The following FAM120B variants were observed in gnomAD, a reference collection of about 807,000 sequenced individuals.
FAM120B encodes the protein constitutive coactivator of peroxisome proliferator-activated receptor gamma.
A neutral mutation model predicts 96.3 loss-of-function variants in FAM120B; 83 were observed. The observed-to-expected ratio is 0.86, with a 90% CI of 0.72 to 1.03. The LOEUF is 1.03. Among genes scored for constraint, FAM120B ranks in the 50% least tolerant of loss-of-function variants. FAM120B has a pLI of 0.00. For synonymous variants in FAM120B, 407 were observed against 402.7 expected (o/e 1.01, Z -0.13); for missense variants, 1,027 against 1,121.2 (o/e 0.92, Z 1.20).
intron 1 of FAM120B, among the ~76,000 whole-genome samples, chr6:170,315,980 A>G (rs1784874460): frequency 7.0e-6 from 1 of 142,946 alleles, no homozygotes; most frequent in Admixed American, 7.7e-5. Context: ...GATCGCTTGA[A>G]CCTGGTAGGT....
At chr6:170,333,871 G>A (rs1786237139) in intron 4 of FAM120B, among the ~76,000 whole-genome samples, 1 of 152,156 alleles carries the variant, frequency 6.6e-6, no homozygotes, top group South Asian at 2.1e-4. Flanking sequence ...ATATATCATG[G>A]AAGATGATGT....
Position 170,406,696 on chromosome 6 carries a change from G to A in FAM120B, c.*1945G>A, listed in dbSNP as rs906179612. On this transcript the variant is annotated 3_prime_UTR_variant, in exon 11 of 11. Transcript: ENST00000476287. ...CTCTTATGAGGATTTCCCTATGTCA[G>A]TAAACATTAACTTTCTATTTCTTCC... The A allele has an allele frequency of 6.6e-6, 1 of 152,106 alleles. No homozygotes were observed. Among genetic ancestry groups the A allele is most frequent in the African/African-American group, 2.4e-5 (1 of 41,396 alleles). 9.4% of individuals were successfully genotyped at this position (152,106 alleles called of 1,614,324 possible).
chr6:170,294,702 G>A (rs60600324), upstream of FAM120B, among the ~76,000 whole-genome samples: 2,295 of 152,272 alleles, frequency 0.015, 48 homozygotes, highest in African/African-American at 0.052. The surrounding 1 kb of genome is among the most constrained non-coding windows in gnomAD (Gnocchi z 7.9). Context: ...GTGTGGTGGT[G>A]ACTGTGGTGG....
At chr6:170,343,102 A>C (rs1243750644) in intron 4 of FAM120B, among the ~76,000 whole-genome samples, 1 of 152,210 alleles carries the variant, frequency 6.6e-6, no homozygotes, top group Non-Finnish European at 1.5e-5. Context: ...CATTCTTTTT[A>C]GAGAGTGTAC....
In FAM120B at chr6:170,391,054, C is replaced by T. The variant is rs1790454576; in HGVS notation, c.2532C>T (p.Val844=). The change falls in exon 8 of 11, where the codon GTC becomes GTT. Residue 844 remains valine (V), a synonymous_variant. Coordinates refer to ENST00000476287, the MANE Select transcript of FAM120B (RefSeq NM_032448.3). ...AATTCCACAACCTGAAGGCAGTCGT[C>T]TGCAAGGCCTGCATGAAGGAGAACA... ...LTKFHNLKAV[V]CKACMKENRR... The T allele has an allele frequency of 1.9e-6, 3 of 1,614,186 alleles. No individual in the cohort carries two copies. The African/African-American group carries it at 4.0e-5, about 22-fold the overall frequency.
At chr6:170,329,168 A>G (rs1339028423) in intron 3 of FAM120B, among the ~76,000 whole-genome samples, 2 of 152,222 alleles carry the variant, frequency 1.3e-5, no homozygotes, top group Admixed American at 6.5e-5. Context: ...GGCACTTGCC[A>G]TCTGCACACT....
intron 1 of FAM120B, among the ~76,000 whole-genome samples, chr6:170,314,615 C>G (rs1784783922): frequency 6.6e-6 from 1 of 152,100 alleles, no homozygotes; most frequent in African/African-American, 2.4e-5. Flanking sequence ...CCCAGTCATC[C>G]CATAATAACC....
At chr6:170,387,403 C>A (rs960605399) in intron 6 of FAM120B, among the ~76,000 whole-genome samples, 2 of 152,154 alleles carry the variant, frequency 1.3e-5, no homozygotes, top group Non-Finnish European at 2.9e-5. Context: ...ATTTGAGCTA[C>A]ATAGATAAGC....
intron 1 of FAM120B, among the ~76,000 whole-genome samples, chr6:170,308,209 C>T (rs967702237): frequency 1.3e-5 from 2 of 152,130 alleles, no homozygotes; most frequent in African/African-American, 4.8e-5. Context: ...GAGTGTTTCC[C>T]CTGACTTTGC....
chr6:170,372,057 T>TC (rs1789230583), intron 6 of FAM120B, among the ~76,000 whole-genome samples: 1 of 152,222 alleles, frequency 6.6e-6, no homozygotes, highest in South Asian at 2.1e-4. Context: ...AAAGAGTTTA[T>TC]CCTACTGATA....
At chr6:170,315,810 A>C (rs1017170170) in intron 1 of FAM120B, among the ~76,000 whole-genome samples, 1 of 152,056 alleles carries the variant, frequency 6.6e-6, no homozygotes, top group African/African-American at 2.4e-5. Context: ...CTGTTTGGGC[A>C]CAGTGGCTCA....
chr6:170,321,276 C>G (rs1166326558), intron 2 of FAM120B, among the ~76,000 whole-genome samples: 1 of 152,204 alleles, frequency 6.6e-6, no homozygotes. Flanking sequence ...TACATAGTCA[C>G]CCTGGAAAAA....
At chr6:170,397,482 G>T (rs1778235304) in intron 9 of FAM120B, among the ~76,000 whole-genome samples, 1 of 152,074 alleles carries the variant, frequency 6.6e-6, no homozygotes, top group Admixed American at 6.5e-5. Flanking sequence ...AGACTTGGAG[G>T]GCCCTGCAGC....
rs557070776 is a variant in FAM120B, at chr6:170,328,639, T to G, written c.1916-1810T>G. On this transcript the variant is annotated intron_variant, in intron 3 of 10. Transcript: ENST00000476287. ...GCCCCCTTCATGGGATTCTTGAGCT[T>G]CCTAAATCTATGGGTTTATATTTCC... is the stretch of plus-strand genomic sequence containing the variant. Among the ~76,000 whole-genome samples, 46 of 152,310 alleles carry G rather than the reference T, an allele frequency of 3.0e-4. 1 individual carries two copies. In the South Asian group the frequency reaches 8.9e-3, roughly 30 times the overall value.
intron 4 of FAM120B, among the ~76,000 whole-genome samples, chr6:170,347,367 T>C (rs1040633963): frequency 1.3e-4 from 20 of 152,208 alleles, no homozygotes; most frequent in African/African-American, 4.8e-4. Flanking sequence ...CCTTTCTGTT[T>C]GTCAGAGTGT....
intron 4 of FAM120B, among the ~76,000 whole-genome samples, chr6:170,331,994 A>G (rs1420165993): frequency 6.6e-6 from 1 of 152,164 alleles, no homozygotes; most frequent in Non-Finnish European, 1.5e-5. Flanking sequence ...ACGGAGGGCC[A>G]CGTCTCAGAC....
intron 6 of FAM120B, among the ~76,000 whole-genome samples, chr6:170,382,406 A>G (rs949603315): frequency 6.6e-6 from 1 of 152,184 alleles, no homozygotes; most frequent in Admixed American, 6.5e-5. Flanking sequence ...CCTGTCCTTA[A>G]AAAACAAACA....
intron 3 of FAM120B, among the ~76,000 whole-genome samples, chr6:170,329,169 T>C (rs75158485): frequency 1.6e-3 from 238 of 152,356 alleles, no homozygotes; most frequent in African/African-American, 5.5e-3. Flanking sequence ...GCACTTGCCA[T>C]CTGCACACTG....
At chr6:170,346,744 T>C (rs370507514) in intron 4 of FAM120B, among the ~76,000 whole-genome samples, 1 of 152,112 alleles carries the variant, frequency 6.6e-6, no homozygotes, top group Non-Finnish European at 1.5e-5. Flanking sequence ...CTTAAAAATA[T>C]GAAAGCCCTT....
Sources: allele counts gnomAD v4.1 joint callset (sites outside exome capture counted in the v4.1 genomes callset), GRCh38; gene constraint gnomAD v4.1.1; non-coding constraint Gnocchi (gnomAD v3.1); transcripts MANE v1.5; gene names NCBI Gene and HGNC (gene_info 2026-07-23, HGNC 2026-07-21).